Variants in MYO9A observed in about 807,000 individuals in gnomAD.
MYO9A encodes the protein myosin IXA, also known as unconventional myosin-IXa.
A neutral mutation model predicts 293.3 loss-of-function variants in MYO9A; 103 were observed. That is an observed-to-expected ratio of 0.35 (90% CI 0.30 to 0.41). The LOEUF (loss-of-function observed/expected upper bound fraction) is 0.41. Among genes scored for constraint, MYO9A ranks in the 10% least tolerant of loss-of-function variants. MYO9A has a pLI of 1.00. For synonymous variants in MYO9A, 1,001 were observed against 1,035.7 expected (o/e 0.97, Z 0.64); for missense variants, 2,685 against 3,033.0 (o/e 0.89, Z 2.69).
chr15:72,059,058 AG>A (rs2078804083), intron 1 of MYO9A, among the ~76,000 whole-genome samples: 2 of 152,206 alleles, frequency 1.3e-5, no homozygotes. Context: ...ATATGAAGGG[AG>A]GCACAGGATG....
At chr15:72,046,959 C>A (rs1490931636) in intron 1 of MYO9A, among the ~76,000 whole-genome samples, 2 of 152,296 alleles carry the variant, frequency 1.3e-5, no homozygotes, top group African/African-American at 2.4e-5. Context: ...GAACCAAGTT[C>A]TTTCCTTATA....
chr15:71,893,650 A>G lies in MYO9A; in HGVS notation c.5142+29T>C, dbSNP rs370559014. 3.7e-4 allele frequency: 567 copies of G among 1,528,632 alleles called. 1 individual carries two copies. The Middle Eastern group carries it at 3.9e-3, about 11-fold the overall frequency. 94.7% of individuals were successfully genotyped at this position (1,528,632 alleles called of 1,614,324 possible). The stretch of plus-strand genomic sequence containing the variant: ...ATAATGTACATCTCTTTTGTATAGA[A>G]GATAGATAAACAAAAACTCAAAACT... On this transcript the variant is annotated intron_variant, in intron 26 of 41. Coordinates refer to ENST00000356056, the MANE Select transcript of MYO9A (RefSeq NM_006901.4).
intron 33 of MYO9A, among the ~76,000 whole-genome samples, 174 bp from the exon 34 acceptor site, chr15:71,859,970 A>G (rs1352375449): frequency 2.0e-5 from 3 of 152,184 alleles, no homozygotes; most frequent in African/African-American, 4.8e-5. Flanking sequence ...AACCCATTCT[A>G]TTGGGTATAA....
intron 14 of MYO9A, among the ~76,000 whole-genome samples, chr15:71,958,292 T>C (rs2059249455): frequency 6.6e-6 from 1 of 152,150 alleles, no homozygotes; most frequent in African/African-American, 2.4e-5. Context: ...AAACCATTTT[T>C]ACAATCTGTT....
chr15:71,971,692 T>C (rs1226574602), intron 12 of MYO9A, among the ~76,000 whole-genome samples: 1 of 151,800 alleles, frequency 6.6e-6, no homozygotes, highest in Non-Finnish European at 1.5e-5. Context: ...CATGTACCAT[T>C]GTCATTTGCC....
chr15:71,931,181 G>A (rs757893820), intron 18 of MYO9A, among the ~76,000 whole-genome samples: 8 of 152,144 alleles, frequency 5.3e-5, no homozygotes, highest in Non-Finnish European at 1.2e-4. Flanking sequence ...CTGCTTTCAT[G>A]TTCTCATGGT....
intron 12 of MYO9A, among the ~76,000 whole-genome samples, chr15:71,975,455 A>AACC (rs2076119395): frequency 7.0e-6 from 1 of 142,928 alleles, no homozygotes; most frequent in Admixed American, 7.1e-5. Context: ...TTCCTGACTT[A>AACC]TTAACTACCA....
chr15:71,861,697 A>AC (rs1196902040), intron 33 of MYO9A, among the ~76,000 whole-genome samples: 9 of 149,186 alleles, frequency 6.0e-5, no homozygotes, highest in Non-Finnish European at 1.3e-4. Context: ...AAAAAAAAAA[A>AC]AAAACAAATA....
intron 1 of MYO9A, among the ~76,000 whole-genome samples, chr15:72,087,507 T>C (rs1283933942): frequency 2.0e-5 from 3 of 152,194 alleles, no homozygotes; most frequent in Admixed American, 6.5e-5. Context: ...GGTGAGAGCA[T>C]ACCGTTCCTT....
intron 3 of MYO9A, among the ~76,000 whole-genome samples, chr15:72,029,712 T>G (rs992374445): frequency 6.6e-6 from 1 of 152,230 alleles, no homozygotes; most frequent in African/African-American, 2.4e-5. Flanking sequence ...ATCAATTGTA[T>G]ATCTGATATT....
intron 1 of MYO9A, among the ~76,000 whole-genome samples, chr15:72,107,454 C>G (rs1178938033): frequency 6.6e-6 from 1 of 152,154 alleles, no homozygotes; most frequent in Admixed American, 6.6e-5. Context: ...GAGGCTGAGG[C>G]AGGAGAATCA....
At chr15:72,041,366 T>A (rs1318408909) in intron 2 of MYO9A, 2 of 522,176 alleles carry the variant, frequency 3.8e-6, no homozygotes, top group Admixed American at 4.3e-5. Context: ...GGCAACTATC[T>A]TGAATGCATA....
rs1469504868 is a variant in MYO9A at position 71,951,461 on chromosome 15, AAAG to A, written c.2302+313_2302+315del. ...TGTTGTTTTTTTTTTTATGAGCAGG[AAAG>A]AAAACATTGTTGATTCCTATCCATC... On this transcript the variant is annotated intron_variant, in intron 15 of 41. Transcript: ENST00000356056. 2.0e-5 allele frequency among the ~76,000 whole-genome samples: 3 copies of A among 151,928 alleles called. No individual in the cohort carries two copies. In the East Asian group the frequency reaches 5.8e-4, roughly 29 times the overall value.
At chr15:71,966,807 A>C (rs2075889740) in intron 13 of MYO9A, among the ~76,000 whole-genome samples, 1 of 152,212 alleles carries the variant, frequency 6.6e-6, no homozygotes, top group Non-Finnish European at 1.5e-5. Flanking sequence ...TAATCAATGC[A>C]ATCTTTTAAA....
chr15:72,112,151 T>G (rs1392303111), intron 1 of MYO9A, among the ~76,000 whole-genome samples: 2 of 152,098 alleles, frequency 1.3e-5, no homozygotes, highest in Admixed American at 6.5e-5. Flanking sequence ...CTACACAATC[T>G]TACAGTTTAA....
chr15:71,846,133 ACC>A (rs2055375404), intron 39 of MYO9A, among the ~76,000 whole-genome samples: 3 of 152,196 alleles, frequency 2.0e-5, no homozygotes, highest in Non-Finnish European at 4.4e-5. Context: ...AGAAGATGTA[ACC>A]ATATCTTGCA....
chr15:72,028,506 G>T (rs2077755714), intron 3 of MYO9A, among the ~76,000 whole-genome samples: 1 of 151,454 alleles, frequency 6.6e-6, no homozygotes, highest in Non-Finnish European at 1.5e-5. Flanking sequence ...AATCAGCCAG[G>T]CATGGTGGTG....
chr15:71,851,908 T>C (rs2055665075), intron 36 of MYO9A, among the ~76,000 whole-genome samples: 1 of 152,212 alleles, frequency 6.6e-6, no homozygotes, highest in African/African-American at 2.4e-5. Context: ...CAACCAAGTG[T>C]CTCACTCAGA....
chr15:71,953,949 G>A (rs1318973104), intron 14 of MYO9A, among the ~76,000 whole-genome samples: 2 of 152,000 alleles, frequency 1.3e-5, no homozygotes, highest in African/African-American at 4.8e-5. Context: ...AGGCTGGAGT[G>A]CACTGGTGCA....
Sources: gnomAD v4.1 joint callset for allele counts (sites outside exome capture counted in the v4.1 genomes callset) on GRCh38, gnomAD v4.1.1 for gene constraint, MANE v1.5 for transcripts, NCBI Gene and HGNC (gene_info 2026-07-23, HGNC 2026-07-21) for gene names.